The following GRM5 variants were observed in gnomAD, a reference collection of about 807,000 sequenced individuals.
GRM5 encodes metabotropic glutamate receptor 5.
In GRM5, 19 loss-of-function variants were observed where a neutral mutation model predicts 83.1. The ratio of observed to expected loss-of-function variants is 0.23; its 90% CI spans 0.16 to 0.34. GRM5 has a LOEUF of 0.34. Among genes scored for constraint, GRM5 ranks in the 10% least tolerant of loss-of-function variants. The pLI, the probability that GRM5 is intolerant of heterozygous loss-of-function variation, is 1.00. For missense variants in GRM5, 1,160 were observed against 1,588.3 expected (o/e 0.73, Z 4.58); for synonymous variants, 675 against 633.6 (o/e 1.07, Z -0.98).
At chr11:89,044,767 T>C (rs1323863629) in intron 2 of GRM5, among the ~76,000 whole-genome samples, 1 of 150,460 alleles carries the variant, frequency 6.6e-6, no homozygotes, top group East Asian at 2.0e-4. Flanking sequence ...CTCAACCCAG[T>C]GAGAGGAAGA....
At chr11:88,640,224 C>G (rs919751554) in intron 4 of GRM5, among the ~76,000 whole-genome samples, 4 of 152,276 alleles carry the variant, frequency 2.6e-5, no homozygotes, top group Non-Finnish European at 4.4e-5. Context: ...AAATGGGCTT[C>G]TGATCGGGAT....
At chr11:89,017,822 T>C (rs919592863) in intron 2 of GRM5, among the ~76,000 whole-genome samples, 2 of 152,170 alleles carry the variant, frequency 1.3e-5, no homozygotes, top group African/African-American at 4.8e-5. Context: ...ATCTACAGAA[T>C]GTTTGGTTTT....
chr11:88,959,665 C>T (rs1481801026), intron 2 of GRM5, among the ~76,000 whole-genome samples: 1 of 152,164 alleles, frequency 6.6e-6, no homozygotes, highest in Non-Finnish European at 1.5e-5. Flanking sequence ...TCCTTCCCTG[C>T]TCCACATAAC....
At chr11:88,871,575 A>G (rs1386210039) in intron 2 of GRM5, among the ~76,000 whole-genome samples, 1 of 151,598 alleles carries the variant, frequency 6.6e-6, no homozygotes, top group Non-Finnish European at 1.5e-5. Context: ...CAAAGTTTGG[A>G]TGAAGAATAG....
intron 7 of GRM5, among the ~76,000 whole-genome samples, chr11:88,582,127 T>G (rs531056071): frequency 1.8e-4 from 27 of 152,320 alleles, no homozygotes; most frequent in Admixed American, 6.5e-4. Flanking sequence ...GCAGGGATAC[T>G]TAATGTATTG....
intron 3 of GRM5, among the ~76,000 whole-genome samples, chr11:88,779,239 A>G (rs191728577): frequency 1.8e-4 from 27 of 152,318 alleles, no homozygotes; most frequent in East Asian, 7.7e-4. Flanking sequence ...ACAGCTGTCA[A>G]TAGGAACCCT....
intron 2 of GRM5, among the ~76,000 whole-genome samples, chr11:88,956,933 A>G (rs939969450): frequency 2.0e-5 from 3 of 152,012 alleles, no homozygotes; most frequent in African/African-American, 7.3e-5. Context: ...TTACTGGGTT[A>G]TTGTGAGAAC....
chr11:89,019,735 T>C (rs374451216), intron 2 of GRM5, among the ~76,000 whole-genome samples: 101 of 152,174 alleles, frequency 6.6e-4, no homozygotes, highest in Middle Eastern at 3.4e-3. Flanking sequence ...CATACCCTTT[T>C]ATCTCCAATA....
chr11:88,539,983 C>G (rs1161148229), intron 8 of GRM5, among the ~76,000 whole-genome samples: 1 of 152,138 alleles, frequency 6.6e-6, no homozygotes, highest in Non-Finnish European at 1.5e-5. Context: ...TTATGGCTAC[C>G]TGGGCACGTC....
At chr11:88,898,243 A>C (rs1945264132) in intron 2 of GRM5, among the ~76,000 whole-genome samples, 1 of 151,904 alleles carries the variant, frequency 6.6e-6, no homozygotes, top group South Asian at 2.1e-4. Context: ...TATATTGAAT[A>C]AGGGCCCACA....
chr11:88,736,331 G>T (rs1266791028), intron 3 of GRM5, among the ~76,000 whole-genome samples: 16 of 152,022 alleles, frequency 1.1e-4, no homozygotes, highest in Admixed American at 9.8e-4. Flanking sequence ...TGTGCAAATT[G>T]ATTTTATGAT....
chr11:88,630,938 T>TA lies in GRM5; in HGVS notation c.1147+22229dup, dbSNP rs199618653. Among the ~76,000 whole-genome samples the TA allele has an allele frequency of 4.0e-3, 610 of 152,306 alleles. 5 individuals are homozygous for TA. The highest frequency in any genetic ancestry group is 0.011 in the Admixed American group (173 of 15,296). ...CATTTCTTAGTGACCATATCTTTGA[T>TA]AGAAGGCTCTCCTGTCTTCAGTACC... is the stretch of plus-strand genomic sequence containing the variant. On this transcript the variant is annotated intron_variant, in intron 4 of 9. Coordinates refer to ENST00000305447, the MANE Select transcript of GRM5 (RefSeq NM_001143831.3).
chr11:88,827,465 A>C (rs1471535639), intron 3 of GRM5, among the ~76,000 whole-genome samples: 2 of 152,202 alleles, frequency 1.3e-5, no homozygotes, highest in Non-Finnish European at 2.9e-5. Context: ...CTTGCTATGT[A>C]AACTTTGCTT....
intron 3 of GRM5, among the ~76,000 whole-genome samples, chr11:88,842,300 A>T (rs1362875260): frequency 1.3e-5 from 2 of 152,208 alleles, no homozygotes; most frequent in South Asian, 2.1e-4. Flanking sequence ...ACTGAAAAAA[A>T]TATGTAAATG....
chr11:88,600,176 C>T (rs1373556932), intron 5 of GRM5, among the ~76,000 whole-genome samples: 1 of 151,240 alleles, frequency 6.6e-6, no homozygotes, highest in Non-Finnish European at 1.5e-5. Context: ...CTTTTTTCTC[C>T]TTCCCATCTC....
chr11:88,812,619 A>G (rs1232657826), intron 3 of GRM5, among the ~76,000 whole-genome samples: 2 of 152,118 alleles, frequency 1.3e-5, no homozygotes, highest in Admixed American at 1.3e-4. Flanking sequence ...TTTTTCAATC[A>G]ACAAACTCTT....
intron 2 of GRM5, among the ~76,000 whole-genome samples, chr11:88,876,259 C>A (rs1414883923): frequency 6.6e-6 from 1 of 152,112 alleles, no homozygotes; most frequent in East Asian, 1.9e-4. Flanking sequence ...TTTCCTTACA[C>A]TCCATTAACC....
intron 8 of GRM5, among the ~76,000 whole-genome samples, chr11:88,553,486 G>C (rs1224702686): frequency 6.6e-6 from 1 of 151,996 alleles, no homozygotes; most frequent in East Asian, 1.9e-4. Flanking sequence ...CACAATGTCT[G>C]GTGTGCCTGA....
chr11:88,644,333 A>G (rs756678292), intron 4 of GRM5, among the ~76,000 whole-genome samples: 2 of 152,154 alleles, frequency 1.3e-5, no homozygotes, highest in African/African-American at 2.4e-5. Context: ...TTTTAACACT[A>G]TGAGAAATAA....
Sources: allele counts gnomAD v4.1 joint callset (sites outside exome capture counted in the v4.1 genomes callset), GRCh38; gene constraint gnomAD v4.1.1; transcripts MANE v1.5; gene names NCBI Gene and HGNC (gene_info 2026-07-23, HGNC 2026-07-21).